Variants in PALM2AKAP2 observed in about 807,000 individuals in gnomAD.
The protein encoded by PALM2AKAP2 is PALM2-AKAP2 fusion protein.
PALM2AKAP2 carries 37 observed loss-of-function variants against 71.5 expected under a neutral mutation model. That is an observed-to-expected ratio of 0.52 (90% CI 0.40 to 0.68). PALM2AKAP2 has a LOEUF of 0.68. Ranked by LOEUF, PALM2AKAP2 falls within the 30% of genes least tolerant of loss-of-function variation. The pLI is 0.00. For missense variants in PALM2AKAP2, 1,224 were observed against 1,191.8 expected, an observed-to-expected ratio of 1.03 and a Z score of -0.40; for synonymous variants, 468 against 478.8, an observed-to-expected ratio of 0.98 and a Z score of 0.29.
At chr9:109,917,255 C>A (rs969095500) in intron 3 of PALM2AKAP2, among the ~76,000 whole-genome samples, 1 of 152,170 alleles carries the variant, frequency 6.6e-6, no homozygotes, top group African/African-American at 2.4e-5. Flanking sequence ...CTAGAGCCTG[C>A]AGAAGGGAAC....
At chr9:109,722,282 A>G (rs1564125114) in intron 1 of PALM2AKAP2, among the ~76,000 whole-genome samples, 1 of 152,238 alleles carries the variant, frequency 6.6e-6, no homozygotes, top group Admixed American at 6.5e-5. Flanking sequence ...AAAAAAGAAT[A>G]CACACGCATA....
chr9:109,959,078 C>T (rs1378611664), intron 6 of PALM2AKAP2, among the ~76,000 whole-genome samples: 2 of 152,176 alleles, frequency 1.3e-5, no homozygotes, highest in East Asian at 1.9e-4. Flanking sequence ...ACTGCAGACA[C>T]GTGCCACTGC....
intron 1 of PALM2AKAP2, among the ~76,000 whole-genome samples, chr9:109,741,743 G>A (rs1042459374): frequency 1.2e-4 from 18 of 152,194 alleles, no homozygotes; most frequent in Non-Finnish European, 2.2e-4. Flanking sequence ...ATAGGTCTTA[G>A]CATTTAGGTT....
intron 1 of PALM2AKAP2, among the ~76,000 whole-genome samples, chr9:109,793,338 A>G (rs1827167787): frequency 6.6e-6 from 1 of 152,232 alleles, no homozygotes; most frequent in African/African-American, 2.4e-5. Flanking sequence ...AAAAGACTAA[A>G]CAAAGAGATT....
At chr9:109,778,578 C>T (rs941179012), upstream of PALM2AKAP2, among the ~76,000 whole-genome samples, 1 of 152,130 alleles carries the variant, frequency 6.6e-6, no homozygotes, top group African/African-American at 2.4e-5. Flanking sequence ...ATCAGCTCCA[C>T]CTACACTTGT....
chr9:109,994,226 G>A (rs1188692898), intron 6 of PALM2AKAP2, among the ~76,000 whole-genome samples: 1 of 152,182 alleles, frequency 6.6e-6, no homozygotes, highest in African/African-American at 2.4e-5. Context: ...ATTTGCATGT[G>A]TGTCCAGGAC....
chr9:109,819,184 A>G (rs530862120), intron 1 of PALM2AKAP2, among the ~76,000 whole-genome samples: 2 of 152,362 alleles, frequency 1.3e-5, no homozygotes, highest in African/African-American at 4.8e-5. Context: ...GGTGATGGCA[A>G]ATTGACATTG....
At chr9:109,801,379 A>G (rs1827425239) in intron 1 of PALM2AKAP2, among the ~76,000 whole-genome samples, 1 of 151,654 alleles carries the variant, frequency 6.6e-6, no homozygotes, top group African/African-American at 2.4e-5. Flanking sequence ...AGAAATAGTA[A>G]TAGAAATATG....
chr9:109,931,318 G>T (rs970172815), intron 5 of PALM2AKAP2, among the ~76,000 whole-genome samples: 1 of 152,196 alleles, frequency 6.6e-6, no homozygotes, highest in Non-Finnish European at 1.5e-5. Context: ...GGCTCAAGGG[G>T]TATTGTCATT....
At chr9:110,152,379 A>G (rs771087105) in intron 2 of PALM2AKAP2, among the ~76,000 whole-genome samples, 4 of 152,162 alleles carry the variant, frequency 2.6e-5, no homozygotes, top group Non-Finnish European at 5.9e-5. Context: ...TAGCAGAGCA[A>G]AGTTTGAGGG....
chr9:109,883,338 A>G (rs1053373086), intron 3 of PALM2AKAP2, among the ~76,000 whole-genome samples: 4 of 152,212 alleles, frequency 2.6e-5, no homozygotes, highest in African/African-American at 9.6e-5. Flanking sequence ...AATAGCCTAC[A>G]GGGGTGGATG....
At chr9:109,688,062 A>G (rs910703868) in intron 1 of PALM2AKAP2, among the ~76,000 whole-genome samples, 24 of 152,232 alleles carry the variant, frequency 1.6e-4, no homozygotes, top group African/African-American at 2.7e-4. Flanking sequence ...ACCCCGAAAC[A>G]ATTACGATGG....
chr9:109,667,461 A>G (rs1168176982), intron 1 of PALM2AKAP2, among the ~76,000 whole-genome samples: 1 of 152,202 alleles, frequency 6.6e-6, no homozygotes, highest in Non-Finnish European at 1.5e-5. Context: ...TTCTAAAAGC[A>G]AAACGAAGGA....
chr9:109,800,589 T>C (rs967657203), intron 1 of PALM2AKAP2, among the ~76,000 whole-genome samples: 1 of 147,126 alleles, frequency 6.8e-6, no homozygotes, highest in African/African-American at 2.4e-5. Context: ...CAGCTCAGAT[T>C]TGACCTCAGG....
intron 3 of PALM2AKAP2, among the ~76,000 whole-genome samples, chr9:109,883,573 A>G (rs1829903289): frequency 6.6e-6 from 1 of 152,164 alleles, no homozygotes; most frequent in South Asian, 2.1e-4. Context: ...CTTCTCTACC[A>G]CAATGGTTAT....
intron 1 of PALM2AKAP2, among the ~76,000 whole-genome samples, chr9:109,649,569 AT>A (rs1274403442): frequency 2.0e-5 from 3 of 152,218 alleles, no homozygotes; most frequent in Non-Finnish European, 4.4e-5. Context: ...AATTATCTGT[AT>A]TTTTTGGGCT....
chr9:109,881,361 CT>C (rs1564193644), intron 3 of PALM2AKAP2, among the ~76,000 whole-genome samples: 2 of 152,220 alleles, frequency 1.3e-5, no homozygotes. Context: ...TAGCTTTCAT[CT>C]TTTTCCTCCT....
chr9:109,722,977 C>T (rs1828427241), intron 1 of PALM2AKAP2, among the ~76,000 whole-genome samples: 1 of 152,114 alleles, frequency 6.6e-6, no homozygotes, highest in Non-Finnish European at 1.5e-5. Flanking sequence ...GCCAAGTTGC[C>T]AGGTTCTAGT....
chr9:110,061,824 C>T (rs1417722634), intron 1 of PALM2AKAP2, among the ~76,000 whole-genome samples: 1 of 148,692 alleles, frequency 6.7e-6, no homozygotes, highest in Admixed American at 6.6e-5. Context: ...TAGGCATAAG[C>T]CAACATGCCA....
Sources: allele counts gnomAD v4.1 joint callset (sites outside exome capture counted in the v4.1 genomes callset), GRCh38; gene constraint gnomAD v4.1.1; transcripts MANE v1.5; gene names NCBI Gene and HGNC (gene_info 2026-07-23, HGNC 2026-07-21).